Variants in SASH1 observed in about 807,000 individuals in gnomAD.
The protein encoded by SASH1 is SAM and SH3 domain-containing protein 1.
In SASH1, 44 loss-of-function variants were observed where a neutral mutation model predicts 125.2. The ratio of observed to expected loss-of-function variants is 0.35; its 90% CI spans 0.28 to 0.45. The LOEUF (loss-of-function observed/expected upper bound fraction) is 0.45, where lower values mean the gene tolerates loss of function less well. SASH1 is among the 20% of genes least tolerant of loss of function. The probability of loss-of-function intolerance (pLI) is 1.00; values close to 1 mark genes in which losing one functional copy is unlikely to be tolerated. For missense variants in SASH1, 1,426 were observed against 1,614.5 expected (o/e 0.88, Z 2.00); for synonymous variants, 639 against 649.1 (o/e 0.98, Z 0.24).
chr6:148,238,060 C>T, the SASH1 span, among the ~76,000 whole-genome samples: 1 of 152,082 alleles, frequency 6.6e-6, no homozygotes, highest in Non-Finnish European at 1.5e-5. Context: ...AATGCTCTTC[C>T]CCATATGACC....
At chr6:148,256,265 A>G in the SASH1 span, among the ~76,000 whole-genome samples, 6 of 152,202 alleles carry the variant, frequency 3.9e-5, no homozygotes, top group Non-Finnish European at 7.3e-5. Flanking sequence ...GATATAACTC[A>G]TCTTAGTTTT....
chr6:148,309,088 A>AAAAAG (rs1780226099), intron 1 of SASH1, among the ~76,000 whole-genome samples: 1 of 149,278 alleles, frequency 6.7e-6, no homozygotes, highest in African/African-American at 2.4e-5. Context: ...TGTCTCCAAA[A>AAAAAG]AAAAAAAAAA....
chr6:148,502,825 C>T (rs2115274551), intron 8 of SASH1, among the ~76,000 whole-genome samples: 1 of 152,326 alleles, frequency 6.6e-6, no homozygotes, highest in South Asian at 2.1e-4. Context: ...GGAAATATCC[C>T]TAAACCCATG....
intron 1 of SASH1, among the ~76,000 whole-genome samples, chr6:148,287,645 G>C (rs1779515749): frequency 1.3e-5 from 2 of 151,276 alleles, no homozygotes; most frequent in Non-Finnish European, 2.9e-5. Flanking sequence ...TTCACTTTCT[G>C]TTCTGTGTAT....
At position 148,508,090 on chromosome 6, in the gene SASH1, A is replaced by G. The variant is rs529055499; in HGVS notation, c.730-6234A>G. On this transcript the variant is annotated intron_variant, in intron 8 of 19. Coordinates refer to ENST00000367467, the MANE Select transcript of SASH1 (RefSeq NM_015278.5). The stretch of plus-strand genomic sequence containing the variant: ...GTTTCTAGAATGCAGGAGAACTCGG[A>G]TGCTCTGAAATGGGCATTAAAACAA... 1.4e-4 allele frequency among the ~76,000 whole-genome samples: 21 copies of G among 152,318 alleles called. No homozygotes were observed. The South Asian group carries it at 3.7e-3, about 27-fold the overall frequency.
chr6:148,282,916 T>G (rs1438724006), intron 1 of SASH1, among the ~76,000 whole-genome samples: 1 of 152,052 alleles, frequency 6.6e-6, no homozygotes, highest in African/African-American at 2.4e-5. Flanking sequence ...CAGCCACTGG[T>G]TCTAAGCATA....
At chr6:148,349,449 A>G (rs1274332226) in intron 1 of SASH1, among the ~76,000 whole-genome samples, 1 of 151,428 alleles carries the variant, frequency 6.6e-6, no homozygotes, top group Non-Finnish European at 1.5e-5. Flanking sequence ...TTTTTAGTAG[A>G]AATGGGTTTT....
chr6:148,229,900 C>T, the SASH1 span, among the ~76,000 whole-genome samples: 1 of 151,888 alleles, frequency 6.6e-6, no homozygotes, highest in East Asian at 1.9e-4. Context: ...TTAGCAGAGA[C>T]GGGGTTTCGC....
Position 148,370,873 on chromosome 6 carries a change from T to C in SASH1, c.157-19261T>C, listed in dbSNP as rs559660498. On this transcript the variant is annotated intron_variant, in intron 1 of 19. Transcript: ENST00000367467. ...AACCCTACAAAAATATATTCTGACCTAATAAGGGTCTCATTTTTTCAAAAA... is the reference window on the plus strand; with the variant it reads ...AACCCTACAAAAATATATTCTGACCCAATAAGGGTCTCATTTTTTCAAAAA... Among the ~76,000 whole-genome samples, 6 of 152,230 alleles carry C rather than the reference T, an allele frequency of 3.9e-5. No individual in the cohort carries two copies. The South Asian group carries it at 1.2e-3, about 32-fold the overall frequency.
chr6:148,395,687 C>T (rs534877210), intron 2 of SASH1, among the ~76,000 whole-genome samples: 2 of 152,290 alleles, frequency 1.3e-5, no homozygotes, highest in African/African-American at 4.8e-5. Flanking sequence ...TGCTTGTGAA[C>T]AGCAGGGAAG....
chr6:148,527,891 G>A (rs1011563718), intron 12 of SASH1, among the ~76,000 whole-genome samples: 6 of 151,086 alleles, frequency 4.0e-5, no homozygotes, highest in Admixed American at 1.3e-4. Context: ...TGCACTAAGC[G>A]TTGTAAATTT....
chr6:148,266,764 C>A, the SASH1 span, among the ~76,000 whole-genome samples: 1 of 150,488 alleles, frequency 6.6e-6, no homozygotes, highest in Non-Finnish European at 1.5e-5. Context: ...CCATGCCCAG[C>A]CAATTTTTTT....
Position 148,428,629 on chromosome 6 carries a change from CAAAA to C in SASH1, c.286-11545_286-11542del, listed in dbSNP as rs369165377. 1.9e-3 allele frequency among the ~76,000 whole-genome samples: 154 copies of C among 81,802 alleles called. 4 individuals carry two copies. In the South Asian group the frequency reaches 0.062, roughly 33 times the overall value. 53.7% of individuals were successfully genotyped at this position (81,802 alleles called of 152,430 possible). ...GAGCCACAAGAGTGAAACTTTATCT[CAAAA>C]AAAAAAAAAGAGAATATAAACTAAT... is the stretch of plus-strand genomic sequence containing the variant. On this transcript the variant is annotated intron_variant, in intron 2 of 19. Transcript: ENST00000367467.
At chr6:148,498,401 T>TAAAAAAGAAAA (rs1779408981) in intron 8 of SASH1, among the ~76,000 whole-genome samples, 1 of 146,744 alleles carries the variant, frequency 6.8e-6, no homozygotes, top group South Asian at 2.2e-4. Flanking sequence ...AACCTGTCTC[T>TAAAAAAGAAAA]AAAAAAGAAA....
intron 2 of SASH1, 66 bp from the exon 3 acceptor site, chr6:148,440,118 C>G: frequency 1.4e-6 from 2 of 1,467,832 alleles, no homozygotes; most frequent in Non-Finnish European, 1.9e-6. Context: ...TCTTACATGT[C>G]TATTTGTCTT....
At chr6:148,213,487 G>T in the SASH1 span, among the ~76,000 whole-genome samples, 25 of 144,174 alleles carry the variant, frequency 1.7e-4, no homozygotes, top group Non-Finnish European at 3.1e-4. Context: ...GTAGAAGCCT[G>T]GAATTCCCTA....
At chr6:148,471,296 G>A (rs1220495371) in intron 5 of SASH1, 121 bp from the exon 6 acceptor site, 1 of 648,422 alleles carries the variant, frequency 1.5e-6, no homozygotes, top group East Asian at 2.9e-5. Flanking sequence ...CTGTCCTTTT[G>A]TGAAATCAAA....
Position 148,532,491 on chromosome 6 carries a change from C to T in SASH1, c.1565-306C>T, listed in dbSNP as rs1781581029. On this transcript the variant is annotated intron_variant, in intron 13 of 19. Coordinates refer to ENST00000367467, the MANE Select transcript of SASH1 (RefSeq NM_015278.5). The surrounding 1 kb of genome is among the most constrained non-coding windows in gnomAD (Gnocchi z 4.7). The stretch of plus-strand genomic sequence containing the variant: ...AGAGTGTGCATTACCACTGAGAGGT[C>T]ACGAATGTTAAGAGCAGAGTCTGGT... 1.3e-5 allele frequency among the ~76,000 whole-genome samples: 2 copies of T among 152,186 alleles called. No individual in the cohort carries two copies. The highest frequency in any genetic ancestry group is 4.8e-5 in the African/African-American group (2 of 41,432).
At chr6:148,322,790 T>A (rs1414281092) in intron 1 of SASH1, among the ~76,000 whole-genome samples, 1 of 152,190 alleles carries the variant, frequency 6.6e-6, no homozygotes, top group Non-Finnish European at 1.5e-5. Context: ...TCTGATGTTC[T>A]CCATCTTTTG....
Sources: allele counts gnomAD v4.1 joint callset (sites outside exome capture counted in the v4.1 genomes callset), GRCh38; gene constraint gnomAD v4.1.1; non-coding constraint Gnocchi (gnomAD v3.1); transcripts MANE v1.5; gene names NCBI Gene and HGNC (gene_info 2026-07-23, HGNC 2026-07-21).